ARFGAP2: variants seen among roughly 807,000 people sequenced by gnomAD.
The protein encoded by ARFGAP2 is ADP-ribosylation factor GTPase-activating protein 2.
A neutral mutation model predicts 71.9 loss-of-function variants in ARFGAP2; 45 were observed. That is an observed-to-expected ratio of 0.63 (90% CI 0.49 to 0.80). ARFGAP2 has a LOEUF of 0.80. ARFGAP2 is among the 30% of genes least tolerant of loss of function. The probability of loss-of-function intolerance (pLI) is 0.00; values close to 1 mark genes in which losing one functional copy is unlikely to be tolerated. For missense variants in ARFGAP2, 633 were observed against 673.9 expected, an observed-to-expected ratio of 0.94 and a Z score of 0.67; for synonymous variants, 248 against 249.2, an observed-to-expected ratio of 1.00 and a Z score of 0.05.
intron 5 of ARFGAP2, chr11:47,174,550 C>T (rs558121222): frequency 2.5e-5 from 4 of 161,266 alleles, no homozygotes; most frequent in Non-Finnish European, 4.1e-5. Flanking sequence ...CGCCCGCCAC[C>T]GCGCCCGGCT....
At chr11:47,174,563 T>G (rs537096769) in intron 5 of ARFGAP2, 241 of 160,038 alleles carry the variant, frequency 1.5e-3, no homozygotes, top group Non-Finnish European at 2.5e-3. Context: ...GCCCGGCTAA[T>G]TTTTTGTATT....
rs374493764 is a variant in ARFGAP2, at chr11:47,171,487, T to A, written c.880A>T (p.Asn294Tyr). 1 of 1,614,186 alleles carries A rather than the reference T, an allele frequency of 6.2e-7. No homozygotes were observed. Among genetic ancestry groups the A allele is most frequent in the South Asian group, 1.1e-5 (1 of 91,084 alleles). Residue 294 changes from asparagine to tyrosine, a missense_variant, in exon 10 of 16, where the codon AAT becomes TAT. Transcript: ENST00000524782. ...DRKKEEKKLQ[N>Y]LEGKKREQAE... ...TGCTCTCGCTTCTTCCCTTCCAGAT[T>A]CTGTAGCTTCTTTTCCTCTTTCTTA...
At position 47,167,974 on chromosome 11, in the gene ARFGAP2, AC is replaced by A; in HGVS notation, c.1139del (p.Gly380ValfsTer5). ...GSRWDTDAAW[G>X]MDRVEEKEPE... ...GCTCCTTCTCCTCTACCCTGTCCAT[AC>A]CCCAGGCAGCATCTGTATCCCAGCG... On this transcript the variant is annotated frameshift_variant, in exon 12 of 16. Coordinates refer to ENST00000524782, the MANE Select transcript of ARFGAP2 (RefSeq NM_032389.6). LOFTEE classifies it high-confidence loss of function. 1 of 1,613,914 alleles carries A rather than the reference AC, an allele frequency of 6.2e-7. No homozygotes were observed. Among genetic ancestry groups the A allele is most frequent in the Non-Finnish European group, 8.5e-7 (1 of 1,179,956 alleles).
rs1952673545 is a variant in ARFGAP2, at chr11:47,173,408, G to A, written c.619+18C>T. On this transcript the variant is annotated intron_variant, in intron 7 of 15. Coordinates refer to ENST00000524782, the MANE Select transcript of ARFGAP2 (RefSeq NM_032389.6). Reference sequence around the variant, plus strand: ...ACCCTCTCCCAGACACCCCACGCCTGCCCGCTGGCATACTGACCCAGTGAG... The same window carrying A: ...ACCCTCTCCCAGACACCCCACGCCTACCCGCTGGCATACTGACCCAGTGAG... 2 of 1,552,432 alleles carry A rather than the reference G, an allele frequency of 1.3e-6. No homozygotes were observed. Among genetic ancestry groups the A allele is most frequent in the East Asian group, 2.4e-5 (1 of 41,116 alleles).
chr11:47,167,712 C>G (rs1350061628), intron 12 of ARFGAP2, among the ~76,000 whole-genome samples, 197 bp downstream of exon 12: 1 of 152,176 alleles, frequency 6.6e-6, no homozygotes, highest in Admixed American at 6.5e-5. Context: ...TAAACTACAT[C>G]AGAAATTGTT....
At chr11:47,168,778 C>T (rs143197751) in intron 10 of ARFGAP2, among the ~76,000 whole-genome samples, 1 of 152,194 alleles carries the variant, frequency 6.6e-6, no homozygotes, top group South Asian at 2.1e-4. Flanking sequence ...CCGCCTTGGC[C>T]TCCAAAAGTG....
intron 3 of ARFGAP2, chr11:47,175,538 G>T (rs1952773746): frequency 1.5e-6 from 1 of 682,246 alleles, no homozygotes; most frequent in Non-Finnish European, 2.5e-6. Context: ...CCCACTGAAC[G>T]CTGCCTGAGC....
In ARFGAP2 at chr11:47,165,303, G is replaced by A. The variant is rs2098131832; in HGVS notation, c.*179C>T. The A allele has an allele frequency of 4.9e-6, 3 of 617,032 alleles. No homozygotes were observed. The highest frequency in any genetic ancestry group is 7.9e-6 in the Non-Finnish European group (3 of 381,482). 38.2% of individuals were successfully genotyped at this position (617,032 alleles called of 1,614,324 possible). A position where few individuals can be genotyped will look rare whatever the true frequency, so the allele number is the denominator to read the frequency against. The stretch of plus-strand genomic sequence containing the variant: ...GGCTCAGTCCACAGGCAGAGGACAA[G>A]GGCTGGTACTGACCATTCCCCTCAC... On this transcript the variant is annotated 3_prime_UTR_variant, in exon 16 of 16. Transcript: ENST00000524782.
chr11:47,166,640 G>C (rs1432266231), intron 13 of ARFGAP2, 41 bp from the exon 14 acceptor site: 1 of 1,605,962 alleles, frequency 6.2e-7, no homozygotes, highest in South Asian at 1.1e-5. Context: ...TCTTGGGGCT[G>C]ATGACCCAAG....
intron 3 of ARFGAP2, chr11:47,175,523 C>A: frequency 1.3e-6 from 1 of 749,016 alleles, no homozygotes; most frequent in Admixed American, 2.3e-5. Flanking sequence ...GACTGAAGTC[C>A]AGGCCCCACT....
chr11:47,176,755 G>C (rs987253089), intron 1 of ARFGAP2, 27 bp downstream of exon 1: 1 of 1,613,870 alleles, frequency 6.2e-7, no homozygotes, highest in Non-Finnish European at 8.5e-7. Flanking sequence ...CGGGACGAGA[G>C]ACTCCGCGCG....
In ARFGAP2 at chr11:47,173,486, T is replaced by C. The variant is rs1359299704; in HGVS notation, c.563-4A>G. Reference sequence around the variant, plus strand: ...GTGTTGGGGCCATGCTCCGGCTCTGTGGATGCAATGGTAGGAGTTAGAGAT... The same window carrying C: ...GTGTTGGGGCCATGCTCCGGCTCTGCGGATGCAATGGTAGGAGTTAGAGAT... On this transcript the variant is annotated splice_region_variant and splice_polypyrimidine_tract_variant and intron_variant, in intron 6 of 15. Transcript: ENST00000524782. 1 of 1,554,396 alleles carries C rather than the reference T, an allele frequency of 6.4e-7. No homozygotes were observed.
In ARFGAP2 at chr11:47,175,260, A is replaced by G. The variant is rs1565132576; in HGVS notation, c.318T>C (p.Tyr106=). 1.2e-6 allele frequency: 2 copies of G among 1,613,936 alleles called. No homozygotes were observed. The highest frequency in any genetic ancestry group is 1.7e-6 in the Non-Finnish European group (2 of 1,180,016). ...GCTANDANTK[Y]NSRAAQMYRE... ...GGTACATCTGGGCAGCTCGGCTATT[A>G]TATTTGGTGTTGGCATCATTGGCTG... The change falls in exon 4 of 16, where the codon TAT becomes TAC. Residue 106 remains tyrosine, a synonymous_variant. Transcript: ENST00000524782.
At position 47,166,475 on chromosome 11, in the gene ARFGAP2, C is replaced by G. The variant is rs777670990; in HGVS notation, c.1426+31G>C. ...CCTCCCGCCCTGCTCCCAGGCCTCACTTGGTGCCTGCCACCCCACCAGGGC... is the reference window on the plus strand; with the variant it reads ...CCTCCCGCCCTGCTCCCAGGCCTCAGTTGGTGCCTGCCACCCCACCAGGGC... On this transcript the variant is annotated intron_variant, in intron 14 of 15. Transcript: ENST00000524782. 3 of 1,612,676 alleles carry G rather than the reference C, an allele frequency of 1.9e-6. No individual in the cohort carries two copies. The East Asian group carries it at 6.7e-5, about 36-fold the overall frequency.
intron 10 of ARFGAP2, chr11:47,168,591 G>A (rs529528398): frequency 4.5e-5 from 9 of 202,046 alleles, no homozygotes; most frequent in Non-Finnish European, 9.3e-5. Context: ...TGCAATCTTG[G>A]CTCACTGCAA....
chr11:47,172,805 A>G, intron 7 of ARFGAP2: 4 of 1,281,794 alleles, frequency 3.1e-6, no homozygotes, highest in Non-Finnish European at 2.0e-6. Context: ...GAGCCTCCAC[A>G]GAGCTCCCAA....
At chr11:47,166,137 C>T in intron 15 of ARFGAP2, 131 bp downstream of exon 15, 2 of 873,248 alleles carry the variant, frequency 2.3e-6, no homozygotes, top group Admixed American at 1.9e-5. Flanking sequence ...GCTGGGATTA[C>T]AGGCGTGAGC....
chr11:47,172,460 C>T, intron 7 of ARFGAP2, 127 bp from the exon 8 acceptor site: 1 of 1,199,624 alleles, frequency 8.3e-7, no homozygotes, highest in Non-Finnish European at 1.2e-6. Context: ...GGCAAAGCTG[C>T]CACCACCAGC....
At chr11:47,174,990 A>G in intron 5 of ARFGAP2, 25 bp downstream of exon 5, 6 of 1,612,642 alleles carry the variant, frequency 3.7e-6, no homozygotes, top group East Asian at 4.5e-5. Flanking sequence ...AACAACTGGG[A>G]AAACGGTTCC....
Sources: gnomAD v4.1 joint callset for allele counts (sites outside exome capture counted in the v4.1 genomes callset) on GRCh38, gnomAD v4.1.1 for gene constraint, MANE v1.5 for transcripts, NCBI Gene and HGNC (gene_info 2026-07-23, HGNC 2026-07-21) for gene names.